The following LRTM3 variants were observed in gnomAD, a reference collection of about 807,000 sequenced individuals.
LRTM3 encodes the protein leucine rich repeat transmembrane protein 3.
At chr13:102,732,873 C>T in the LRTM3 span, 9 of 1,551,336 alleles carry the variant, frequency 5.8e-6, no homozygotes, top group South Asian at 1.2e-5. Context: ...TTGGTGTTTG[C>T]GTCTGTTTGA....
the LRTM3 span, chr13:102,733,672 C>T: frequency 2.9e-4 from 445 of 1,551,282 alleles, 1 homozygote; most frequent in African/African-American, 4.8e-3. Flanking sequence ...AGAGCCATTC[C>T]GGCCTTTTCC....
chr13:102,744,393 T>G, the LRTM3 span: 1 of 1,550,212 alleles, frequency 6.5e-7, no homozygotes, highest in East Asian at 2.4e-5. Flanking sequence ...CATTTCCTTC[T>G]AGGATTTTCA....
the LRTM3 span, among the ~76,000 whole-genome samples, chr13:102,757,346 A>G: frequency 1.6e-5 from 2 of 124,228 alleles, no homozygotes; most frequent in Non-Finnish European, 3.6e-5. Flanking sequence ...ACGAACATCA[A>G]GTAATCCTCT....
chr13:102,757,042 A>G, the LRTM3 span, among the ~76,000 whole-genome samples: 2,497 of 152,270 alleles, frequency 0.016, 87 homozygotes, highest in African/African-American at 0.058. Context: ...TTTGAATTAC[A>G]TGTGAACCTT....
chr13:102,734,494 C>G, the LRTM3 span: 1 of 1,551,358 alleles, frequency 6.4e-7, no homozygotes, highest in Non-Finnish European at 8.7e-7. Context: ...TGTTCACATG[C>G]AGTTCTGTTC....
chr13:102,746,012 G>A, the LRTM3 span: 1 of 1,551,072 alleles, frequency 6.4e-7, no homozygotes, highest in East Asian at 2.4e-5. Context: ...AGCCTGTAAA[G>A]CTTTGGGAGG....
the LRTM3 span, chr13:102,732,603 G>A: frequency 2.2e-5 from 34 of 1,550,902 alleles, no homozygotes; most frequent in Middle Eastern, 1.7e-4. Flanking sequence ...ATGATTAGGC[G>A]GCTGTTCTCC....
the LRTM3 span, chr13:102,731,687 G>A: frequency 6.4e-7 from 1 of 1,551,272 alleles, no homozygotes; most frequent in Non-Finnish European, 8.7e-7. Context: ...TAAATGTTCT[G>A]CATTTGTACT....
chr13:102,734,715 T>C, the LRTM3 span: 10 of 1,551,124 alleles, frequency 6.4e-6, no homozygotes, highest in Non-Finnish European at 8.7e-6. Context: ...CTTTTAAGTC[T>C]TAGCATTTCA....
chr13:102,733,012 A>G, the LRTM3 span: 2 of 1,551,398 alleles, frequency 1.3e-6, no homozygotes, highest in East Asian at 4.9e-5. Flanking sequence ...CCCCTTTTGC[A>G]GGGTCAATCT....
the LRTM3 span, chr13:102,746,976 G>C: frequency 2.6e-6 from 4 of 1,551,004 alleles, no homozygotes; most frequent in Non-Finnish European, 3.5e-6. Context: ...TCTGTGAATG[G>C]GATTGGTTGA....
the LRTM3 span, chr13:102,735,616 G>A: frequency 6.4e-7 from 1 of 1,550,958 alleles, no homozygotes; most frequent in Non-Finnish European, 8.7e-7. Flanking sequence ...CTGTACATTT[G>A]GGGAGCATTT....
chr13:102,752,147 G>A, the LRTM3 span, among the ~76,000 whole-genome samples: 15 of 152,226 alleles, frequency 9.9e-5, no homozygotes, highest in Admixed American at 1.3e-4. Flanking sequence ...ATGTGCAGTG[G>A]GGGTTTTCAT....
chr13:102,743,715 A>G, the LRTM3 span: 1 of 1,549,536 alleles, frequency 6.5e-7, no homozygotes, highest in South Asian at 1.2e-5. Context: ...ACAGTTTTTA[A>G]ATAGGATTTA....
chr13:102,732,500 T>C, the LRTM3 span: 2 of 1,551,022 alleles, frequency 1.3e-6, no homozygotes, highest in Non-Finnish European at 1.7e-6. Flanking sequence ...AACATATGAA[T>C]AAAATGAATC....
chr13:102,750,863 G>A, the LRTM3 span, among the ~76,000 whole-genome samples: 1 of 152,132 alleles, frequency 6.6e-6, no homozygotes, highest in Non-Finnish European at 1.5e-5. Context: ...ACATTTTAGG[G>A]AAGCACGTCT....
chr13:102,756,311 G>GA, the LRTM3 span, among the ~76,000 whole-genome samples: 7,072 of 136,716 alleles, frequency 0.052, 311 homozygotes, highest in African/African-American at 0.11. Context: ...TCCTTAGTTC[G>GA]AAAAAAAAAA....
the LRTM3 span, chr13:102,739,682 T>C: frequency 1.3e-6 from 2 of 1,550,340 alleles, no homozygotes; most frequent in Non-Finnish European, 1.7e-6. Flanking sequence ...TTTTATTCTT[T>C]TCATATCCAT....
the LRTM3 span, chr13:102,731,779 C>G: frequency 1.9e-6 from 3 of 1,551,008 alleles, no homozygotes; most frequent in South Asian, 3.6e-5. Flanking sequence ...GCTGCTGAAC[C>G]TTTTGTGTGG....
Sources: gnomAD v4.1 joint callset for allele counts (sites outside exome capture counted in the v4.1 genomes callset) on GRCh38, gnomAD v4.1.1 for gene constraint, MANE v1.5 for transcripts, NCBI Gene and HGNC (gene_info 2026-07-23, HGNC 2026-07-21) for gene names.